The following STAG1 variants were observed in gnomAD, a reference collection of about 807,000 sequenced individuals.
STAG1 encodes cohesin subunit SA-1.
In STAG1, 26 loss-of-function variants were observed where a neutral mutation model predicts 170.9. The observed-to-expected ratio is 0.15, with a 90% confidence interval of 0.11 to 0.21. STAG1 has a LOEUF of 0.21. Ranked by LOEUF, STAG1 falls within the 10% of genes least tolerant of loss-of-function variation. The probability of loss-of-function intolerance (pLI) is 1.00; values close to 1 mark genes in which losing one functional copy is unlikely to be tolerated. For missense variants in STAG1, 964 were observed against 1,509.5 expected (o/e 0.64, Z 5.99); for synonymous variants, 514 against 497.7 (o/e 1.03, Z -0.44).
intron 22 of STAG1, among the ~76,000 whole-genome samples, chr3:136,384,238 G>A (rs1209709306): frequency 6.6e-6 from 1 of 151,710 alleles, no homozygotes; most frequent in Non-Finnish European, 1.5e-5. Flanking sequence ...ATCACCTGAG[G>A]TCAGGAGCTC....
intron 1 of STAG1, among the ~76,000 whole-genome samples, chr3:136,706,312 T>A (rs1055771040): frequency 6.6e-6 from 1 of 152,170 alleles, no homozygotes; most frequent in Non-Finnish European, 1.5e-5. Flanking sequence ...TAGTCGCACA[T>A]GACACAATCC....
intron 9 of STAG1, among the ~76,000 whole-genome samples, chr3:136,493,613 ACACTG>A (rs2090160757): frequency 6.7e-6 from 1 of 150,344 alleles, no homozygotes; most frequent in South Asian, 2.1e-4. Flanking sequence ...AATGATCATG[ACACTG>A]CACTCCAGCT....
chr3:136,453,261 T>A (rs2088997992), intron 13 of STAG1, among the ~76,000 whole-genome samples: 1 of 152,150 alleles, frequency 6.6e-6, no homozygotes, highest in Non-Finnish European at 1.5e-5. Context: ...GATTTGAAAT[T>A]TTTAATTTGT....
intron 13 of STAG1, among the ~76,000 whole-genome samples, chr3:136,458,702 A>T (rs1488938871): frequency 6.6e-6 from 1 of 152,204 alleles, no homozygotes; most frequent in Non-Finnish European, 1.5e-5. Context: ...TAAATGGATT[A>T]AATTATCAAA....
chr3:136,421,712 T>G (rs2087962296), intron 19 of STAG1, among the ~76,000 whole-genome samples: 1 of 152,212 alleles, frequency 6.6e-6, no homozygotes, highest in Non-Finnish European at 1.5e-5. Flanking sequence ...GCTGATATCT[T>G]GGGCATACCA....
intron 3 of STAG1, among the ~76,000 whole-genome samples, chr3:136,621,169 G>C (rs1415672272): frequency 1.3e-5 from 2 of 152,076 alleles, no homozygotes; most frequent in Non-Finnish European, 2.9e-5. Flanking sequence ...GGATTCAGCT[G>C]TACACACATA....
chr3:136,475,348 TGCTGGCCAG>T (rs1043732310), intron 10 of STAG1, among the ~76,000 whole-genome samples: 8 of 152,098 alleles, frequency 5.3e-5, no homozygotes, highest in East Asian at 1.9e-4. Context: ...GGTTTTGCCA[TGCTGGCCAG>T]GCTGGTCTCG....
chr3:136,347,169 T>C (rs1936257504), intron 29 of STAG1, among the ~76,000 whole-genome samples: 1 of 148,790 alleles, frequency 6.7e-6, no homozygotes. Context: ...CCAAGGTGGG[T>C]GGACCTACTT....
chr3:136,357,667 C>T (rs1486144547), intron 28 of STAG1, 53 bp downstream of exon 28: 2 of 1,449,332 alleles, frequency 1.4e-6, no homozygotes, highest in East Asian at 2.4e-5. Context: ...AAAAAATAAA[C>T]ATTTACAACA....
In STAG1 at chr3:136,633,714, G is replaced by A. The variant is rs868532985; in HGVS notation, c.-83-2733C>T. Reference sequence around the variant, plus strand: ...AAGTTTCCATATCAAAAAAAAAGGGGGGGGGGGGGGTCAGGGGCACAGATA... The same window carrying A: ...AAGTTTCCATATCAAAAAAAAAGGGAGGGGGGGGGGTCAGGGGCACAGATA... On this transcript the variant is annotated intron_variant, in intron 1 of 33. Coordinates refer to ENST00000383202, the MANE Select transcript of STAG1 (RefSeq NM_005862.3). 2.3e-3 allele frequency among the ~76,000 whole-genome samples: 291 copies of A among 127,534 alleles called. 4 individuals are homozygous for A. The highest frequency in any genetic ancestry group is 4.4e-3 in the South Asian group (16 of 3,616). 83.7% of individuals were successfully genotyped at this position (127,534 alleles called of 152,430 possible). A position where few individuals can be genotyped will look rare whatever the true frequency, so the allele number is the denominator to read the frequency against.
At chr3:136,570,733 T>C (rs769936089) in intron 4 of STAG1, among the ~76,000 whole-genome samples, 11 of 152,252 alleles carry the variant, frequency 7.2e-5, no homozygotes, top group Non-Finnish European at 1.2e-4. Context: ...TATTTTAATT[T>C]AGCCCATGCT....
intron 8 of STAG1, among the ~76,000 whole-genome samples, chr3:136,501,297 A>G (rs1350048905): frequency 1.3e-5 from 2 of 152,212 alleles, no homozygotes; most frequent in African/African-American, 4.8e-5. Context: ...GTGAAGGGTT[A>G]AACTATGTTC....
At chr3:136,486,214 T>C (rs1433574997) in intron 9 of STAG1, among the ~76,000 whole-genome samples, 1 of 152,226 alleles carries the variant, frequency 6.6e-6, no homozygotes, top group Non-Finnish European at 1.5e-5. Flanking sequence ...TGAGACACTG[T>C]TTTGATACCT....
At chr3:136,396,203 AAC>A (rs147361378) in intron 22 of STAG1, among the ~76,000 whole-genome samples, 47,946 of 140,612 alleles carry the variant, frequency 0.34, 9,793 homozygotes, top group East Asian at 0.79. Context: ...GGCCCAGTGT[AAC>A]ACAGTTTTTT....
intron 3 of STAG1, among the ~76,000 whole-genome samples, chr3:136,613,462 G>A (rs1034846479): frequency 3.3e-5 from 5 of 152,018 alleles, no homozygotes; most frequent in African/African-American, 9.7e-5. Flanking sequence ...GTTCCCAAAT[G>A]ACAAATGATT....
At chr3:136,511,249 T>C (rs1934049770) in intron 7 of STAG1, among the ~76,000 whole-genome samples, 2 of 152,178 alleles carry the variant, frequency 1.3e-5, no homozygotes. Flanking sequence ...CCTTTATGAA[T>C]TACCCAGTCT....
At chr3:136,680,561 T>C (rs187370635) in intron 1 of STAG1, among the ~76,000 whole-genome samples, 60 of 152,080 alleles carry the variant, frequency 3.9e-4, no homozygotes, top group Admixed American at 5.2e-4. Context: ...GGAAGGAAAG[T>C]TGAAAACCAA....
intron 3 of STAG1, among the ~76,000 whole-genome samples, chr3:136,621,461 G>T (rs1335022178): frequency 6.6e-6 from 1 of 152,126 alleles, no homozygotes; most frequent in African/African-American, 2.4e-5. Context: ...AAATCACATG[G>T]TAGTAATGGG....
chr3:136,510,016 A>T (rs1189051619), intron 7 of STAG1, among the ~76,000 whole-genome samples: 1 of 152,222 alleles, frequency 6.6e-6, no homozygotes, highest in Non-Finnish European at 1.5e-5. Context: ...CAAATGACAT[A>T]GATTTAACAA....
Sources: allele counts gnomAD v4.1 joint callset (sites outside exome capture counted in the v4.1 genomes callset), GRCh38; gene constraint gnomAD v4.1.1; transcripts MANE v1.5; gene names NCBI Gene and HGNC (gene_info 2026-07-23, HGNC 2026-07-21).